The following SNX29 variants were observed in gnomAD, a reference collection of about 807,000 sequenced individuals.
SNX29 encodes the protein sorting nexin 29.
Under a neutral mutation model 102.1 loss-of-function variants are expected in SNX29, and 78 were observed. The ratio of observed to expected loss-of-function variants is 0.76; its 90% CI spans 0.64 to 0.92. SNX29 has a LOEUF of 0.92. Ranked by LOEUF, SNX29 falls within the 40% of genes least tolerant of loss-of-function variation. The pLI, the probability that SNX29 is intolerant of heterozygous loss-of-function variation, is 0.00. For synonymous variants in SNX29, 580 were observed against 414.5 expected, an observed-to-expected ratio of 1.40 and a Z score of -4.85; for missense variants, 1,280 against 1,061.7, an observed-to-expected ratio of 1.21 and a Z score of -2.86.
chr16:12,491,714 G>A (rs2088557876), intron 19 of SNX29, among the ~76,000 whole-genome samples: 2 of 150,720 alleles, frequency 1.3e-5, no homozygotes, highest in Non-Finnish European at 1.5e-5. Flanking sequence ...GGTGTGTGAT[G>A]TTCCCCTTCC....
intron 15 of SNX29, among the ~76,000 whole-genome samples, chr16:12,349,599 T>C (rs1430292432): frequency 6.6e-6 from 1 of 152,224 alleles, no homozygotes; most frequent in Admixed American, 6.5e-5. Context: ...GTAAGTATAA[T>C]GCAAATACTC....
chr16:12,097,572 T>A (rs369187309), intron 11 of SNX29, among the ~76,000 whole-genome samples: 1 of 151,968 alleles, frequency 6.6e-6, no homozygotes, highest in South Asian at 2.1e-4. Flanking sequence ...TTAGCATTTG[T>A]TCATTTTATT....
chr16:12,425,804 T>C (rs947885742), intron 18 of SNX29, among the ~76,000 whole-genome samples: 1 of 152,058 alleles, frequency 6.6e-6, no homozygotes, highest in Non-Finnish European at 1.5e-5. Context: ...ATTGTGAGCA[T>C]CTTGTGCTGA....
At chr16:12,539,930 A>G (rs776790650) in intron 20 of SNX29, among the ~76,000 whole-genome samples, 2 of 152,150 alleles carry the variant, frequency 1.3e-5, no homozygotes, top group Non-Finnish European at 2.9e-5. Flanking sequence ...TTCTTTGTAT[A>G]TGTTAGATGC....
chr16:12,142,754 C>T lies in SNX29; in HGVS notation c.1595+12996C>T, dbSNP rs573054967. Among the ~76,000 whole-genome samples, 24 of 151,670 alleles carry T rather than the reference C, an allele frequency of 1.6e-4. No individual in the cohort carries two copies. The South Asian group carries it at 3.6e-3, about 23-fold the overall frequency. On this transcript the variant is annotated intron_variant, in intron 13 of 20. Transcript: ENST00000566228. ...AATTTTTTTGTATTTTTAGTAGAGA[C>T]GGGGTTTCATGTTGACCAGGCTGAT...
chr16:12,364,420 T>C (rs1166354991), intron 16 of SNX29, among the ~76,000 whole-genome samples: 10 of 151,440 alleles, frequency 6.6e-5, no homozygotes, highest in African/African-American at 9.7e-5. Flanking sequence ...CTTCTTCTTT[T>C]TTTTTTTTTT....
intron 11 of SNX29, among the ~76,000 whole-genome samples, chr16:12,083,289 GA>G (rs1229509712): frequency 1.4e-5 from 2 of 147,768 alleles, no homozygotes; most frequent in Admixed American, 1.3e-4. Flanking sequence ...CTGGGCGACA[GA>G]GCAAGACTAT....
rs116050042 is a variant in SNX29, at chr16:12,366,465, C to T, written c.1899+10186C>T. Among the ~76,000 whole-genome samples the T allele has an allele frequency of 2.4e-3, 372 of 152,316 alleles. 2 individuals are homozygous for T. The highest frequency in any genetic ancestry group is 8.7e-3 in the African/African-American group (360 of 41,572). ...CTAGCAGGGAGCTCATCAGAGCCTGCCTTATCTCATGAGCCTGCCCTGGCA... is the reference window on the plus strand; with the variant it reads ...CTAGCAGGGAGCTCATCAGAGCCTGTCTTATCTCATGAGCCTGCCCTGGCA... On this transcript the variant is annotated intron_variant, in intron 16 of 20. Transcript: ENST00000566228.
intron 11 of SNX29, among the ~76,000 whole-genome samples, chr16:12,117,070 G>A (rs1207247072): frequency 1.5e-5 from 2 of 130,692 alleles, no homozygotes; most frequent in African/African-American, 5.6e-5. Flanking sequence ...CAATGCGGAC[G>A]AACCATGGAA....
chr16:12,557,832 A>G (rs748341950), intron 20 of SNX29: 1 of 152,212 alleles, frequency 6.6e-6, no homozygotes, highest in Non-Finnish European at 1.5e-5. Context: ...GTTCACCAAA[A>G]CATCATCAAT....
At chr16:12,565,126 C>G (rs184657614) in intron 20 of SNX29, among the ~76,000 whole-genome samples, 1 of 138,878 alleles carries the variant, frequency 7.2e-6, no homozygotes, top group Admixed American at 7.0e-5. Flanking sequence ...GTCTCTTATC[C>G]ACATTAGCCC....
chr16:12,107,555 T>A (rs1398395726), intron 11 of SNX29, among the ~76,000 whole-genome samples: 1 of 152,044 alleles, frequency 6.6e-6, no homozygotes, highest in Non-Finnish European at 1.5e-5. Context: ...GAGAATCTCT[T>A]GAACCTGGGA....
intron 16 of SNX29, among the ~76,000 whole-genome samples, chr16:12,395,383 G>A (rs2083682614): frequency 6.6e-6 from 1 of 152,220 alleles, no homozygotes; most frequent in African/African-American, 2.4e-5. Flanking sequence ...CTTCTTTGCT[G>A]ATGCAGCCCA....
chr16:12,275,335 G>A (rs2079211233), intron 14 of SNX29, among the ~76,000 whole-genome samples: 2 of 152,316 alleles, frequency 1.3e-5, no homozygotes, highest in South Asian at 4.1e-4. Flanking sequence ...CAGAAGTTCA[G>A]TGTGTGTTAC....
intron 20 of SNX29, among the ~76,000 whole-genome samples, chr16:12,540,531 G>A (rs188956356): frequency 3.3e-4 from 50 of 152,316 alleles, no homozygotes; most frequent in East Asian, 1.7e-3. Flanking sequence ...AATTTGTTTC[G>A]CGGCTTCCTG....
chr16:12,138,936 C>A, intron 13 of SNX29, among the ~76,000 whole-genome samples: 1 of 152,008 alleles, frequency 6.6e-6, no homozygotes. Context: ...GGCACGGTGG[C>A]TCACGCCTGT....
intron 20 of SNX29, among the ~76,000 whole-genome samples, chr16:12,555,918 C>T (rs868327260): frequency 5.3e-5 from 8 of 151,678 alleles, no homozygotes; most frequent in South Asian, 4.1e-4. Flanking sequence ...CTTATTTTTG[C>T]GTATGGTGTC....
chr16:12,075,886 C>T (rs942403555), intron 10 of SNX29, among the ~76,000 whole-genome samples: 13 of 152,208 alleles, frequency 8.5e-5, no homozygotes, highest in African/African-American at 2.4e-4. Context: ...GCCCCTCCAC[C>T]AGCCTCGCTG....
rs1012980235 is a variant in SNX29 at position 12,048,356 on chromosome 16, C to T, written c.500-16C>T. ...CCATCAGCAAGCACTCCAGACTTTTCCCTTTTTTTGGGCAGGTCTGAACTC... is the reference window on the plus strand; with the variant it reads ...CCATCAGCAAGCACTCCAGACTTTTTCCTTTTTTTGGGCAGGTCTGAACTC... On this transcript the variant is annotated splice_polypyrimidine_tract_variant and intron_variant, in intron 6 of 20. Coordinates refer to ENST00000566228, the MANE Select transcript of SNX29 (RefSeq NM_032167.5). 6.2e-7 allele frequency: 1 copy of T among 1,613,728 alleles called. No individual in the cohort carries two copies. Among genetic ancestry groups the T allele is most frequent in the African/African-American group, 1.3e-5 (1 of 74,898 alleles).
Sources: allele counts gnomAD v4.1 joint callset (sites outside exome capture counted in the v4.1 genomes callset), GRCh38; gene constraint gnomAD v4.1.1; transcripts MANE v1.5; gene names NCBI Gene and HGNC (gene_info 2026-07-23, HGNC 2026-07-21).